SRPK2: variants seen among roughly 807,000 people sequenced by gnomAD.
The protein encoded by SRPK2 is SRSF protein kinase 2.
In SRPK2, 21 loss-of-function variants were observed where a neutral mutation model predicts 90.8. The ratio of observed to expected loss-of-function variants is 0.23; its 90% CI spans 0.16 to 0.33. The LOEUF is 0.33. Ranked by LOEUF, SRPK2 falls within the 10% of genes least tolerant of loss-of-function variation. The pLI, the probability that SRPK2 is intolerant of heterozygous loss-of-function variation, is 1.00. For synonymous variants in SRPK2, 288 were observed against 311.1 expected (o/e 0.93, Z 0.78); for missense variants, 620 against 869.0 (o/e 0.71, Z 3.60).
intron 2 of SRPK2, among the ~76,000 whole-genome samples, chr7:105,233,081 AAGGAAGGAAAG>A (rs1799669751): frequency 8.1e-6 from 1 of 122,768 alleles, no homozygotes; most frequent in African/African-American, 3.1e-5. Context: ...GAAGGAAGGA[AAGGAAGGAAAG>A]AAGGAAGGAA....
rs1362082124 is a variant in SRPK2, at chr7:105,142,166, G to A, written c.1385C>T (p.Pro462Leu). The part of the protein sequence containing the change: ...GRHKIPESQF[P>L]EFSTSLFSGS... ...AGAGAACAACGAGGTGGAAAACTCT[G>A]GGAACTGTGACTCGGGAATTTTATG... The change falls in exon 11 of 16, where the codon CCA (proline) becomes CTA (leucine). Residue 462 changes from proline to leucine, a missense_variant. This residue lies in a region of SRPK2 where 243 missense variants were observed against 245.7 expected (regional missense o/e 0.99). Coordinates refer to ENST00000393651, the MANE Select transcript of SRPK2 (RefSeq NM_182692.3). The A allele has an allele frequency of 1.2e-6, 2 of 1,614,142 alleles. No individual in the cohort carries two copies. The highest frequency in any genetic ancestry group is 2.2e-5 in the South Asian group (2 of 91,074).
intron 2 of SRPK2, among the ~76,000 whole-genome samples, chr7:105,213,072 T>G (rs1016499288): frequency 1.3e-5 from 2 of 152,170 alleles, no homozygotes; most frequent in Admixed American, 1.3e-4. Flanking sequence ...TCCATGGATT[T>G]TGGTATCCGA....
intron 2 of SRPK2, among the ~76,000 whole-genome samples, chr7:105,226,561 G>A (rs1284359047): frequency 6.6e-6 from 1 of 152,108 alleles, no homozygotes; most frequent in African/African-American, 2.4e-5. Context: ...CAAAGTGCTG[G>A]AAAGGTATGA....
At chr7:105,372,624 T>C (rs1041159784) in intron 2 of SRPK2, among the ~76,000 whole-genome samples, 4 of 152,336 alleles carry the variant, frequency 2.6e-5, no homozygotes, top group Middle Eastern at 3.4e-3. Context: ...GAAGATTCCA[T>C]CAAGTTGCTC....
rs10691783 is a variant in SRPK2 at position 105,176,557 on chromosome 7, A to ATGTGTGTGTGTG, written c.230-7304_230-7293dup. On this transcript the variant is annotated intron_variant, in intron 3 of 15. Transcript: ENST00000393651. ...CAGAGATGTATGTGGTTTTGCATAT[A>ATGTGTGTGTGTG]TGTGTGTGTGTGTGTGTGTGTGTAT... is the stretch of plus-strand genomic sequence containing the variant. Among the ~76,000 whole-genome samples the ATGTGTGTGTGTG allele has an allele frequency of 5.9e-4, 87 of 148,134 alleles. 1 individual carries two copies. The highest frequency in any genetic ancestry group is 2.1e-3 in the African/African-American group (85 of 39,864).
chr7:105,370,340 T>C (rs978018379), intron 2 of SRPK2, among the ~76,000 whole-genome samples: 3 of 152,104 alleles, frequency 2.0e-5, no homozygotes, highest in African/African-American at 7.2e-5. Context: ...CAGAGACACA[T>C]CTAAATTTCA....
At chr7:105,392,380 A>G (rs1822202368), upstream of SRPK2, among the ~76,000 whole-genome samples, 1 of 152,170 alleles carries the variant, frequency 6.6e-6, no homozygotes, top group Non-Finnish European at 1.5e-5. Context: ...CAAAACAACA[A>G]AGTTACTTGT....
intron 3 of SRPK2, among the ~76,000 whole-genome samples, chr7:105,194,429 A>T (rs1794669426): frequency 6.6e-6 from 1 of 152,240 alleles, no homozygotes; most frequent in Admixed American, 6.5e-5. Flanking sequence ...CCCTGAAATG[A>T]TGAAATGATT....
chr7:105,188,413 G>A (rs1407430659), intron 3 of SRPK2, among the ~76,000 whole-genome samples: 1 of 152,106 alleles, frequency 6.6e-6, no homozygotes, highest in African/African-American at 2.4e-5. Context: ...TTAAAGTGGT[G>A]AGTTGCAAAA....
intron 2 of SRPK2, among the ~76,000 whole-genome samples, chr7:105,375,295 G>C (rs911378329): frequency 6.6e-6 from 1 of 152,094 alleles, no homozygotes; most frequent in Non-Finnish European, 1.5e-5. Flanking sequence ...TCATCTTAAT[G>C]AAAAAATATG....
intron 2 of SRPK2, among the ~76,000 whole-genome samples, chr7:105,358,863 C>T (rs934352256): frequency 6.6e-6 from 1 of 151,844 alleles, no homozygotes; most frequent in Non-Finnish European, 1.5e-5. Context: ...GGCACCAGCA[C>T]CTAATTTCAG....
rs60327543 is a variant in SRPK2, at chr7:105,287,422, C to G, written c.72-83637G>C. Among the ~76,000 whole-genome samples the G allele has an allele frequency of 2.8e-3, 423 of 152,028 alleles. 11 individuals carry two copies. The East Asian group carries it at 0.054, about 20-fold the overall frequency. On this transcript the variant is annotated intron_variant, in intron 2 of 15. Coordinates refer to ENST00000393651, the MANE Select transcript of SRPK2 (RefSeq NM_182692.3). ...ACAGGTACATATACATGTGTATATA[C>G]ATGTAAAATATATTCTTAAATAACT...
chr7:105,287,386 A>T (rs957168724), intron 2 of SRPK2, among the ~76,000 whole-genome samples: 1 of 152,032 alleles, frequency 6.6e-6, no homozygotes, highest in Non-Finnish European at 1.5e-5. Context: ...TATCATTGTT[A>T]TAGATATTTC....
At chr7:105,233,274 T>C (rs1347869302) in intron 2 of SRPK2, among the ~76,000 whole-genome samples, 2 of 152,098 alleles carry the variant, frequency 1.3e-5, no homozygotes, top group Non-Finnish European at 2.9e-5. Context: ...AACTAAGCAG[T>C]TGACAAGAGA....
In SRPK2 at chr7:105,142,418, T is replaced by A. The variant is rs1803922332; in HGVS notation, c.1133A>T (p.Asp378Val). The A allele has an allele frequency of 5.0e-6, 8 of 1,614,056 alleles. No individual in the cohort carries two copies. The East Asian group carries it at 1.8e-4, about 36-fold the overall frequency. ...ENIEKDEDDV[D>V]QELANIDPTW... is the part of the protein sequence containing the mutation. ...AGGGTCTATGTTCGCAAGTTCCTGA[T>A]CTACATCATCTTCATCTTTTTCAAT... Residue 378 changes from aspartate (D) to valine (V), a missense_variant, in exon 11 of 16, where the codon GAT becomes GTT. By Grantham distance (152) the Asp-to-Val change is radical. This residue lies in a region of SRPK2 where 243 missense variants were observed against 245.7 expected (regional missense o/e 0.99). Coordinates refer to ENST00000393651, the MANE Select transcript of SRPK2 (RefSeq NM_182692.3).
chr7:105,118,298 A>C (rs535682803), intron 15 of SRPK2, among the ~76,000 whole-genome samples: 2 of 152,338 alleles, frequency 1.3e-5, no homozygotes, highest in African/African-American at 4.8e-5. Context: ...GAGTGGGCTC[A>C]GTTTGCCCAG....
intron 13 of SRPK2, among the ~76,000 whole-genome samples, chr7:105,127,995 G>A (rs746060947): frequency 6.6e-6 from 1 of 152,092 alleles, no homozygotes; most frequent in Non-Finnish European, 1.5e-5. Context: ...GCCAATACTG[G>A]GGAAACTTCA....
chr7:105,158,136 G>A (rs752171880), intron 7 of SRPK2, among the ~76,000 whole-genome samples: 44 of 152,150 alleles, frequency 2.9e-4, no homozygotes, highest in Admixed American at 1.3e-3. Flanking sequence ...AGGATGCACT[G>A]AGGTTCCACT....
At chr7:105,225,387 C>T (rs988961232) in intron 2 of SRPK2, among the ~76,000 whole-genome samples, 1 of 152,304 alleles carries the variant, frequency 6.6e-6, no homozygotes, top group East Asian at 1.9e-4. Context: ...ACCAGCAGAT[C>T]GTCTGCCTTA....
Sources: gnomAD v4.1 joint callset for allele counts (sites outside exome capture counted in the v4.1 genomes callset) on GRCh38, gnomAD v4.1.1 for gene constraint, gnomAD v4.1.1 regional missense constraint, MANE v1.5 for transcripts, NCBI Gene and HGNC (gene_info 2026-07-23, HGNC 2026-07-21) for gene names.